GABRG1: variants seen among roughly 807,000 people sequenced by gnomAD.
GABRG1 encodes gamma-aminobutyric acid type A receptor subunit gamma1.
In GABRG1, 49 loss-of-function variants were observed where a neutral mutation model predicts 49.8. The ratio of observed to expected loss-of-function variants is 0.98; its 90% CI spans 0.78 to 1.25. The LOEUF is 1.25. Ranked by LOEUF, GABRG1 falls within the 50% of genes most tolerant of loss-of-function variation. GABRG1 has a pLI of 0.00. For missense variants in GABRG1, 552 were observed against 552.3 expected, an observed-to-expected ratio of 1.00 and a Z score of 0.01; for synonymous variants, 232 against 185.1, an observed-to-expected ratio of 1.25 and a Z score of -2.06.
At chr4:46,111,338 C>A (rs994982623) in intron 1 of GABRG1, among the ~76,000 whole-genome samples, 23 of 151,132 alleles carry the variant, frequency 1.5e-4, no homozygotes, top group African/African-American at 5.3e-4. Flanking sequence ...TAAAACAATT[C>A]AAAGGTGACT....
chr4:46,083,998 A>G lies in GABRG1; in HGVS notation c.309T>C (p.Asp103=). The G allele has an allele frequency of 6.4e-7, 1 of 1,563,676 alleles. No homozygotes were observed. The highest frequency in any genetic ancestry group is 8.8e-7 in the Non-Finnish European group (1 of 1,142,004). Reference sequence around the variant, plus strand: ...ATTTCTTACTTACCATATTAATTGGATCAACTGGTCCAATGCTGTTTACAT... The same window carrying G: ...ATTTCTTACTTACCATATTAATTGGGTCAACTGGTCCAATGCTGTTTACAT... ...DVYVNSIGPV[D]PINMEYTIDI... is the part of the protein sequence containing the mutation. The change falls in exon 3 of 9, where the codon GAT becomes GAC. Residue 103 remains aspartate (D), a synonymous_variant. Transcript: ENST00000295452.
chr4:46,063,899 A>G (rs1184747654), intron 5 of GABRG1, among the ~76,000 whole-genome samples: 1 of 152,164 alleles, frequency 6.6e-6, no homozygotes, highest in East Asian at 1.9e-4. Context: ...TTTATACTCT[A>G]ATTATTCACC....
chr4:46,062,991 A>G (rs868334932), intron 5 of GABRG1, among the ~76,000 whole-genome samples: 11 of 151,638 alleles, frequency 7.3e-5, no homozygotes, highest in African/African-American at 2.7e-4. Flanking sequence ...AAGGAGAACT[A>G]CAAACCACTG....
intron 5 of GABRG1, among the ~76,000 whole-genome samples, chr4:46,061,929 G>T (rs1370795639): frequency 2.0e-5 from 3 of 150,488 alleles, no homozygotes; most frequent in Non-Finnish European, 4.4e-5. Context: ...ACAATGTGCA[G>T]GTTAGTTACA....
intron 3 of GABRG1, among the ~76,000 whole-genome samples, chr4:46,080,517 A>G (rs1001617049): frequency 1.3e-5 from 2 of 151,650 alleles, no homozygotes; most frequent in African/African-American, 2.4e-5. Flanking sequence ...TTCAATAGCA[A>G]TTTTATTTAA....
At position 46,038,007 on chromosome 4, in the gene GABRG1, T is replaced by G. The variant is rs1717599383; in HGVS notation, c.*2981A>C. ...AACACAAGTGAAAAAATCCTTATGA[T>G]TGCCTTCATATTTATACACATTTAC... On this transcript the variant is annotated 3_prime_UTR_variant, in exon 9 of 9. Transcript: ENST00000295452. 1 of 151,746 alleles carries G rather than the reference T, an allele frequency of 6.6e-6. No individual in the cohort carries two copies. The highest frequency in any genetic ancestry group is 6.6e-5 in the Admixed American group (1 of 15,182). 9.4% of individuals were successfully genotyped at this position (151,746 alleles called of 1,614,324 possible).
In GABRG1 at chr4:46,051,592, C is replaced by A. The variant is rs866158102; in HGVS notation, c.963G>T (p.Arg321Ser). 6.2e-7 allele frequency: 1 copy of A among 1,611,248 alleles called. No individual in the cohort carries two copies. ...LTMTTLSTIA[R>S]KSLPKVSYVT... ...CATAAGAAACCTTAGGTAAAGACTTCCTGGCAATTGTACTCAGGGTTGTCA... is the reference window on the plus strand; with the variant it reads ...CATAAGAAACCTTAGGTAAAGACTTACTGGCAATTGTACTCAGGGTTGTCA... Residue 321 changes from arginine to serine, a missense_variant, in exon 8 of 9, where the codon AGG (arginine) becomes AGT (serine). By Grantham distance (110) the Arg-to-Ser change is moderately radical. Coordinates refer to ENST00000295452, the MANE Select transcript of GABRG1 (RefSeq NM_173536.4).
intron 5 of GABRG1, among the ~76,000 whole-genome samples, chr4:46,061,740 C>T (rs983438101): frequency 4.0e-5 from 6 of 149,362 alleles, no homozygotes; most frequent in Non-Finnish European, 8.9e-5. Flanking sequence ...TAAACCACCA[C>T]TACACAGCTA....
chr4:46,045,018 C>T (rs1007976731), intron 8 of GABRG1, among the ~76,000 whole-genome samples: 10 of 152,058 alleles, frequency 6.6e-5, no homozygotes, highest in African/African-American at 1.9e-4. Flanking sequence ...AAGTAAAATC[C>T]GATGGTTGCA....
chr4:46,049,653 T>C (rs965639175), intron 8 of GABRG1, among the ~76,000 whole-genome samples: 21 of 151,940 alleles, frequency 1.4e-4, no homozygotes, highest in African/African-American at 4.8e-4. Context: ...GGATTAAAAA[T>C]AGTAACTATT....
chr4:46,046,229 C>T (rs979788382), intron 8 of GABRG1, among the ~76,000 whole-genome samples: 10 of 151,908 alleles, frequency 6.6e-5, no homozygotes, highest in African/African-American at 2.4e-4. Context: ...TTAATCTGGT[C>T]CCTTTCTGCT....
chr4:46,065,783 T>C (rs933313307), intron 3 of GABRG1, among the ~76,000 whole-genome samples, 199 bp from the exon 4 acceptor site: 2 of 152,062 alleles, frequency 1.3e-5, no homozygotes, highest in African/African-American at 2.4e-5. Context: ...AGTGCAGTGA[T>C]GCAATCTCGG....
At chr4:46,104,481 A>G (rs1720473334) in intron 1 of GABRG1, among the ~76,000 whole-genome samples, 1 of 151,504 alleles carries the variant, frequency 6.6e-6, no homozygotes, top group Non-Finnish European at 1.5e-5. Context: ...GCATATACCT[A>G]TGTATCCTTG....
intron 1 of GABRG1, among the ~76,000 whole-genome samples, chr4:46,108,800 C>A (rs1319786113): frequency 1.3e-5 from 2 of 151,154 alleles, no homozygotes; most frequent in East Asian, 2.0e-4. Context: ...ATTTAAATAA[C>A]TTTCCAAAGT....
intron 1 of GABRG1, among the ~76,000 whole-genome samples, chr4:46,104,684 T>C (rs971791230): frequency 6.6e-6 from 1 of 151,488 alleles, no homozygotes; most frequent in African/African-American, 2.4e-5. Flanking sequence ...GTTGGGATTT[T>C]AACACTCTTT....
intron 1 of GABRG1, among the ~76,000 whole-genome samples, chr4:46,108,399 T>C (rs1186202988): frequency 6.6e-6 from 1 of 151,120 alleles, no homozygotes; most frequent in East Asian, 1.9e-4. Context: ...AATTCACATT[T>C]GCTTTGCTTA....
chr4:46,041,695 G>C lies in GABRG1; in HGVS notation c.1132-441C>G, dbSNP rs978739121. Among the ~76,000 whole-genome samples, 23 of 151,992 alleles carry C rather than the reference G, an allele frequency of 1.5e-4. No homozygotes were observed. In the East Asian group the frequency reaches 2.7e-3, roughly 18 times the overall value. On this transcript the variant is annotated intron_variant, in intron 8 of 8. Coordinates refer to ENST00000295452, the MANE Select transcript of GABRG1 (RefSeq NM_173536.4). ...TTTGATAATGCAAAAGGTTTGTGAA[G>C]ATATGAATTGACAAAAAAAGTTATG... is the stretch of plus-strand genomic sequence containing the variant.
intron 3 of GABRG1, among the ~76,000 whole-genome samples, chr4:46,077,171 G>T: frequency 7.4e-6 from 1 of 135,632 alleles, no homozygotes; most frequent in Non-Finnish European, 1.6e-5. Context: ...GAGGGGGGAG[G>T]GATAGCATTA....
At position 46,050,550 on chromosome 4, in the gene GABRG1, C is replaced by A. The variant is rs547161837; in HGVS notation, c.1131+874G>T. Among the ~76,000 whole-genome samples, 12 of 151,850 alleles carry A rather than the reference C, an allele frequency of 7.9e-5. No homozygotes were observed. The South Asian group carries it at 2.5e-3, about 32-fold the overall frequency. On this transcript the variant is annotated intron_variant, in intron 8 of 8. Coordinates refer to ENST00000295452, the MANE Select transcript of GABRG1 (RefSeq NM_173536.4). ...TCTCATTTATTTGAGTATTTTGAAA[C>A]AAATCTTTGAAAGCATTTACTAAAT... is the stretch of plus-strand genomic sequence containing the variant.
Sources: gnomAD v4.1 joint callset for allele counts (sites outside exome capture counted in the v4.1 genomes callset) on GRCh38, gnomAD v4.1.1 for gene constraint, MANE v1.5 for transcripts, NCBI Gene and HGNC (gene_info 2026-07-23, HGNC 2026-07-21) for gene names.